ACSL4: variants seen among roughly 807,000 people sequenced by gnomAD.
ACSL4 encodes the protein long-chain-fatty-acid--CoA ligase 4.
In ACSL4, 9 loss-of-function variants were observed where a neutral mutation model predicts 49.1. That is an observed-to-expected ratio of 0.18 (90% CI 0.11 to 0.32). The LOEUF is 0.32. Among genes scored for constraint, ACSL4 ranks in the 10% least tolerant of loss-of-function variants. ACSL4 has a pLI of 1.00. For synonymous variants in ACSL4, 191 were observed against 170.3 expected, an observed-to-expected ratio of 1.12 and a Z score of -0.95; for missense variants, 333 against 493.7, an observed-to-expected ratio of 0.67 and a Z score of 3.08.
rs780849019 is a variant in ACSL4, at chrX:109,643,581, C to G, written c.*448G>C. The G allele has an allele frequency of 8.2e-6, 1 of 121,586 alleles. No homozygotes were observed. Among genetic ancestry groups the G allele is most frequent in the Admixed American group, 8.3e-5 (1 of 11,990 alleles). The allele number at this position is 121,586 out of a possible 1,213,427, so 10.0% of individuals were successfully genotyped here. A position where few individuals can be genotyped will look rare whatever the true frequency, so the allele number is the denominator to read the frequency against. On this transcript the variant is annotated 3_prime_UTR_variant, in exon 16 of 16. Transcript: ENST00000672401. Reference sequence around the variant, plus strand: ...GTTGGAAGAGAATTTTAAAGCCCTGCAGCACTTTTGCTTTGAGTAGTGTTA... The same window carrying G: ...GTTGGAAGAGAATTTTAAAGCCCTGGAGCACTTTTGCTTTGAGTAGTGTTA...
intron 8 of ACSL4, among the ~76,000 whole-genome samples, chrX:109,675,160 C>A (rs1424699975): frequency 8.9e-6 from 1 of 112,855 alleles, no homozygotes; most frequent in Non-Finnish European, 1.9e-5. Context: ...ATGTACACCA[C>A]ACACAGGAGG....
At chrX:109,721,095 T>C (rs367702605) in intron 1 of ACSL4, among the ~76,000 whole-genome samples, 1 of 112,585 alleles carries the variant, frequency 8.9e-6, no homozygotes, top group African/African-American at 3.2e-5. Context: ...ATGTGGAACA[T>C]AGATCTTTTA....
intron 15 of ACSL4, among the ~76,000 whole-genome samples, chrX:109,650,598 C>T (rs1288945104): frequency 9.2e-6 from 1 of 109,074 alleles, no homozygotes; most frequent in Non-Finnish European, 1.9e-5. Context: ...TTAGTGGGTG[C>T]AGCGCACCAG....
chrX:109,701,906 TA>T (rs772972889), intron 1 of ACSL4, among the ~76,000 whole-genome samples: 2,692 of 80,007 alleles, frequency 0.034, 99 homozygotes, highest in African/African-American at 0.091. Flanking sequence ...CAACTTGCTT[TA>T]AAAAAAAAAA....
In ACSL4 at chrX:109,683,451, C is replaced by T. The variant is rs765063335; in HGVS notation, c.-12-76G>A. 1.4e-5 allele frequency: 17 copies of T among 1,208,843 alleles called. No individual in the cohort carries two copies. In the Admixed American group the frequency reaches 3.5e-4, roughly 25 times the overall value. On this transcript the variant is annotated intron_variant, in intron 2 of 15. Transcript: ENST00000672401. Reference sequence around the variant, plus strand: ...TTGTTATTAACAAGTGGACAGGCAGCAAAATAATGGTGAGCACATTTAGCT... The same window carrying T: ...TTGTTATTAACAAGTGGACAGGCAGTAAAATAATGGTGAGCACATTTAGCT...
intron 1 of ACSL4, among the ~76,000 whole-genome samples, chrX:109,729,358 G>A (rs895532936): frequency 5.4e-5 from 6 of 112,147 alleles, no homozygotes; most frequent in South Asian, 3.6e-4. Flanking sequence ...CATCATTGGC[G>A]ATCAGAAAAA....
At chrX:109,647,460 G>T (rs1934772810) in intron 15 of ACSL4, among the ~76,000 whole-genome samples, 1 of 111,936 alleles carries the variant, frequency 8.9e-6, no homozygotes, top group Non-Finnish European at 1.9e-5. Flanking sequence ...AAATAAAGAT[G>T]TTCTTTGAAA....
At chrX:109,646,107 A>G (rs1251704734) in intron 15 of ACSL4, among the ~76,000 whole-genome samples, 1 of 112,156 alleles carries the variant, frequency 8.9e-6, no homozygotes, top group African/African-American at 3.2e-5. Context: ...GTAGAATATT[A>G]TCCAGGAGAA....
rs1934500211 is a variant in ACSL4 at position 109,643,244 on chromosome X, T to G, written c.*785A>C. ...TTGCTCTTGGTCTCAGCTTTTCAGT[T>G]TGAATAAACACAGAAAGGCAATTTT... On this transcript the variant is annotated 3_prime_UTR_variant, in exon 16 of 16. Transcript: ENST00000672401. 1 of 112,094 alleles carries G rather than the reference T, an allele frequency of 8.9e-6. No homozygotes were observed. The highest frequency in any genetic ancestry group is 3.2e-5 in the African/African-American group (1 of 30,827). The allele number at this position is 112,094 out of a possible 1,213,427, so 9.2% of individuals were successfully genotyped here. A position where few individuals can be genotyped will look rare whatever the true frequency, so the allele number is the denominator to read the frequency against.
At chrX:109,694,649 T>C (rs1043282462) in intron 2 of ACSL4, among the ~76,000 whole-genome samples, 3 of 111,824 alleles carry the variant, frequency 2.7e-5, no homozygotes, top group African/African-American at 9.8e-5. Flanking sequence ...ATTAGAAAGA[T>C]ATATTCTATA....
intron 15 of ACSL4, among the ~76,000 whole-genome samples, chrX:109,646,152 A>G (rs1299763180): frequency 9.0e-6 from 1 of 111,458 alleles, no homozygotes; most frequent in African/African-American, 3.3e-5. Flanking sequence ...CAACATTCAG[A>G]TTCAGGAAAT....
intron 6 of ACSL4, among the ~76,000 whole-genome samples, chrX:109,680,016 A>C (rs1395911348): frequency 8.9e-6 from 1 of 112,144 alleles, no homozygotes; most frequent in African/African-American, 3.2e-5. Flanking sequence ...ATTTGCACAG[A>C]GATAGTGTCT....
chrX:109,652,088 A>G (rs1464199261), intron 15 of ACSL4, among the ~76,000 whole-genome samples: 1 of 111,762 alleles, frequency 8.9e-6, no homozygotes, highest in Non-Finnish European at 1.9e-5. Context: ...AGCCATTAGT[A>G]GTTGCTCAAA....
At chrX:109,707,366 C>T (rs1926431994) in intron 1 of ACSL4, among the ~76,000 whole-genome samples, 1 of 112,339 alleles carries the variant, frequency 8.9e-6, no homozygotes, top group Non-Finnish European at 1.9e-5. Flanking sequence ...ATACTGTTGA[C>T]AAAAGTAGAA....
chrX:109,677,832 G>T (rs1923848274), intron 8 of ACSL4, among the ~76,000 whole-genome samples, 156 bp downstream of exon 8: 1 of 111,961 alleles, frequency 8.9e-6, no homozygotes, highest in Non-Finnish European at 1.9e-5. Flanking sequence ...AAATCTACAG[G>T]GTAATCTCCT....
At chrX:109,655,334 C>T (rs547261004) in intron 15 of ACSL4, among the ~76,000 whole-genome samples, 10 of 111,030 alleles carry the variant, frequency 9.0e-5, no homozygotes, top group Non-Finnish European at 1.9e-4. Flanking sequence ...CATGAAAGAG[C>T]AACAGGGTGC....
At chrX:109,650,779 A>T (rs983907968) in intron 15 of ACSL4, among the ~76,000 whole-genome samples, 6 of 112,161 alleles carry the variant, frequency 5.3e-5, no homozygotes, top group Non-Finnish European at 1.1e-4. Context: ...AACATATTAT[A>T]TATTTGTTTC....
Position 109,677,061 on chromosome X carries a change from G to A in ACSL4, c.930+927C>T, listed in dbSNP as rs750795085. Among the ~76,000 whole-genome samples, 16 of 109,870 alleles carry A rather than the reference G, an allele frequency of 1.5e-4. 3 individuals carry two copies. Among genetic ancestry groups the A allele is most frequent in the South Asian group, 1.2e-3 (3 of 2,537 alleles). ...TGCAAGCTCCACCTCCCAGGTTCAC[G>A]CCATTCTCCTGCCTCAGCCTCCCGA... is the stretch of plus-strand genomic sequence containing the variant. On this transcript the variant is annotated intron_variant, in intron 8 of 15. Transcript: ENST00000672401.
At chrX:109,696,480 C>A (rs1925452345) in intron 1 of ACSL4, among the ~76,000 whole-genome samples, 3 of 111,890 alleles carry the variant, frequency 2.7e-5, no homozygotes, top group Admixed American at 1.9e-4. Flanking sequence ...ATCTCTGAAT[C>A]CCCCATGGTC....
Sources: allele counts gnomAD v4.1 joint callset (sites outside exome capture counted in the v4.1 genomes callset), GRCh38; gene constraint gnomAD v4.1.1; transcripts MANE v1.5; gene names NCBI Gene and HGNC (gene_info 2026-07-23, HGNC 2026-07-21).